Variants in SEMA5A observed in about 807,000 individuals in gnomAD.
The protein encoded by SEMA5A is semaphorin-5A.
SEMA5A carries 55 observed loss-of-function variants against 135.5 expected under a neutral mutation model. The observed-to-expected ratio is 0.41, with a 90% CI of 0.33 to 0.51. The LOEUF is 0.51. Ranked by LOEUF, SEMA5A falls within the 20% of genes least tolerant of loss-of-function variation. The pLI is 0.37. For synonymous variants in SEMA5A, 580 were observed against 546.5 expected (o/e 1.06, Z -0.85); for missense variants, 1,290 against 1,419.9 (o/e 0.91, Z 1.47).
chr5:9,402,959 A>C (rs1579483650), intron 2 of SEMA5A, among the ~76,000 whole-genome samples: 1 of 152,148 alleles, frequency 6.6e-6, no homozygotes, highest in East Asian at 1.9e-4. Context: ...AACTCACTCC[A>C]AATTCCTCTT....
At chr5:9,187,894 T>A (rs1404226724) in intron 11 of SEMA5A, among the ~76,000 whole-genome samples, 1 of 152,054 alleles carries the variant, frequency 6.6e-6, no homozygotes, top group Non-Finnish European at 1.5e-5. Context: ...GGGGTGAGGG[T>A]GTTGGGAGCA....
At chr5:9,232,202 G>T (rs890654929) in intron 6 of SEMA5A, among the ~76,000 whole-genome samples, 20 of 152,186 alleles carry the variant, frequency 1.3e-4, no homozygotes, top group African/African-American at 4.8e-4. Context: ...TTTTAAACAG[G>T]TATGTTCTGT....
At chr5:9,048,451 T>C (rs903848018) in intron 21 of SEMA5A, among the ~76,000 whole-genome samples, 2 of 152,238 alleles carry the variant, frequency 1.3e-5, no homozygotes, top group Non-Finnish European at 2.9e-5. Flanking sequence ...GGCATTAAAA[T>C]GTCACTGACC....
intron 2 of SEMA5A, among the ~76,000 whole-genome samples, chr5:9,380,595 A>G (rs1755555245): frequency 6.6e-6 from 1 of 152,206 alleles, no homozygotes; most frequent in Non-Finnish European, 1.5e-5. Context: ...ATTGTAGATA[A>G]TCTGCCTGCA....
At chr5:9,443,203 T>A (rs760746250) in intron 1 of SEMA5A, among the ~76,000 whole-genome samples, 1 of 152,098 alleles carries the variant, frequency 6.6e-6, no homozygotes, top group Non-Finnish European at 1.5e-5. Context: ...ACATTTAGGA[T>A]AATAATGTCC....
chr5:9,141,652 CTACTT>C (rs1444624639), intron 12 of SEMA5A, among the ~76,000 whole-genome samples: 3 of 152,274 alleles, frequency 2.0e-5, no homozygotes, highest in African/African-American at 7.2e-5. Context: ...GGATAAATGT[CTACTT>C]TCCTTTCCAC....
intron 1 of SEMA5A, among the ~76,000 whole-genome samples, chr5:9,446,975 C>T (rs1320502101): frequency 6.6e-6 from 1 of 152,120 alleles, no homozygotes; most frequent in Non-Finnish European, 1.5e-5. Flanking sequence ...CTGAGGCAGA[C>T]AAGTCTGTTA....
At chr5:9,115,669 G>T (rs1411591453) in intron 15 of SEMA5A, among the ~76,000 whole-genome samples, 1 of 152,138 alleles carries the variant, frequency 6.6e-6, no homozygotes, top group African/African-American at 2.4e-5. Flanking sequence ...AAGACTGAGG[G>T]ACCTTGAAAG....
intron 15 of SEMA5A, among the ~76,000 whole-genome samples, chr5:9,113,401 G>T (rs998785805): frequency 3.3e-5 from 5 of 152,108 alleles, no homozygotes; most frequent in African/African-American, 9.7e-5. Context: ...GCCAGTAAGG[G>T]TTTAGAGGAA....
Position 9,076,790 on chromosome 5 carries a change from T to A in SEMA5A, c.2074-10144A>T, listed in dbSNP as rs138254160. On this transcript the variant is annotated intron_variant, in intron 16 of 22. Transcript: ENST00000382496. ...CATGCACCATCCATTCATTTTCACT[T>A]TCCACCATATATGTCCACAAAATGA... Among the ~76,000 whole-genome samples, 16 of 152,134 alleles carry A rather than the reference T, an allele frequency of 1.1e-4. No individual in the cohort carries two copies. In the East Asian group the frequency reaches 2.1e-3, roughly 20 times the overall value.
intron 5 of SEMA5A, among the ~76,000 whole-genome samples, chr5:9,298,962 C>T (rs1751471409): frequency 6.6e-6 from 1 of 152,186 alleles, no homozygotes; most frequent in Non-Finnish European, 1.5e-5. Flanking sequence ...GCATACTTCC[C>T]TTATGGAGCT....
chr5:9,106,362 C>A (rs1476134699), intron 16 of SEMA5A, among the ~76,000 whole-genome samples: 2 of 152,144 alleles, frequency 1.3e-5, no homozygotes, highest in Non-Finnish European at 2.9e-5. Flanking sequence ...AGATGGATGT[C>A]ACACATACAC....
At chr5:9,382,286 C>G (rs975193818) in intron 2 of SEMA5A, among the ~76,000 whole-genome samples, 6 of 151,830 alleles carry the variant, frequency 4.0e-5, no homozygotes, top group African/African-American at 1.5e-4. Context: ...GGCAACAGAG[C>G]AAGACTTTGT....
In SEMA5A at chr5:9,383,889, T is replaced by G. The variant is rs185652134; in HGVS notation, c.-77-3866A>C. 6.6e-5 allele frequency among the ~76,000 whole-genome samples: 10 copies of G among 152,232 alleles called. No individual in the cohort carries two copies. The East Asian group carries it at 1.9e-3, about 29-fold the overall frequency. Reference sequence around the variant, plus strand: ...CCCAAGTGTCTGAAATGCTCTTTCCTTGGGATTTGGAAAGCGACAATTAGA... The same window carrying G: ...CCCAAGTGTCTGAAATGCTCTTTCCGTGGGATTTGGAAAGCGACAATTAGA... On this transcript the variant is annotated intron_variant, in intron 2 of 22. Transcript: ENST00000382496.
At chr5:9,462,506 C>T (rs1443480848) in intron 1 of SEMA5A, among the ~76,000 whole-genome samples, 4 of 152,114 alleles carry the variant, frequency 2.6e-5, no homozygotes, top group African/African-American at 9.7e-5. Context: ...TATCATTCTA[C>T]CATAAAGACA....
chr5:9,439,260 T>C (rs1034665076), intron 1 of SEMA5A, among the ~76,000 whole-genome samples: 6 of 152,214 alleles, frequency 3.9e-5, no homozygotes, highest in African/African-American at 1.4e-4. Context: ...GTGGCCAATT[T>C]CTTTTACACA....
chr5:9,047,888 G>A (rs899052079), intron 21 of SEMA5A, among the ~76,000 whole-genome samples: 12 of 152,310 alleles, frequency 7.9e-5, no homozygotes, highest in African/African-American at 2.9e-4. Flanking sequence ...ATTTTAGGGT[G>A]GTGATGGGCT....
intron 1 of SEMA5A, among the ~76,000 whole-genome samples, chr5:9,515,034 T>A (rs1407330734): frequency 6.6e-6 from 1 of 152,232 alleles, no homozygotes; most frequent in East Asian, 1.9e-4. Flanking sequence ...CGTATTTTCA[T>A]AACAGCATTT....
chr5:9,157,033 G>A (rs1742992145), intron 11 of SEMA5A, among the ~76,000 whole-genome samples: 1 of 152,224 alleles, frequency 6.6e-6, no homozygotes, highest in South Asian at 2.1e-4. Flanking sequence ...ACAGGGCTTA[G>A]CATTTCAGAG....
Sources: gnomAD v4.1 joint callset for allele counts (sites outside exome capture counted in the v4.1 genomes callset) on GRCh38, gnomAD v4.1.1 for gene constraint, MANE v1.5 for transcripts, NCBI Gene and HGNC (gene_info 2026-07-23, HGNC 2026-07-21) for gene names.